DYNLRB1: variants seen among roughly 807,000 people sequenced by gnomAD.
DYNLRB1 encodes the protein dynein light chain roadblock-type 1, also known as ROBL/LC7-like 1.
In DYNLRB1, 6 loss-of-function variants were observed where a neutral mutation model predicts 13.5. The ratio of observed to expected loss-of-function variants is 0.44; its 90% CI spans 0.24 to 0.88. The LOEUF (loss-of-function observed/expected upper bound fraction) is 0.88, where lower values mean the gene tolerates loss of function less well. DYNLRB1 is among the 40% of genes least tolerant of loss of function. The probability of loss-of-function intolerance (pLI) is 0.21; values close to 1 mark genes in which losing one functional copy is unlikely to be tolerated. For missense variants in DYNLRB1, 93 were observed against 127.2 expected (o/e 0.73, Z 1.29); for synonymous variants, 43 against 45.0 (o/e 0.96, Z 0.18).
At chr20:34,517,228 T>C (rs961484111) in intron 1 of DYNLRB1, among the ~76,000 whole-genome samples, 2 of 152,226 alleles carry the variant, frequency 1.3e-5, no homozygotes, top group African/African-American at 2.4e-5. Context: ...AAAAATCTTA[T>C]TTAGAAATCT....
chr20:34,520,819 T>A (rs1397773178), intron 1 of DYNLRB1, among the ~76,000 whole-genome samples: 3 of 152,320 alleles, frequency 2.0e-5, no homozygotes, highest in Non-Finnish European at 1.5e-5. Context: ...TTGTTTCATT[T>A]TAACTTACTT....
At chr20:34,528,580 A>G (rs1980445647) in intron 2 of DYNLRB1, among the ~76,000 whole-genome samples, 1 of 152,224 alleles carries the variant, frequency 6.6e-6, no homozygotes, top group Admixed American at 6.5e-5. Context: ...TGATTTGGTA[A>G]TTCTTGAGGA....
chr20:34,528,006 T>C (rs1980364024), intron 2 of DYNLRB1, among the ~76,000 whole-genome samples: 2 of 152,094 alleles, frequency 1.3e-5, no homozygotes, highest in South Asian at 4.1e-4. Flanking sequence ...TTGGCCAATT[T>C]AAAAACTACC....
Position 34,526,338 on chromosome 20 carries a change from C to T in DYNLRB1, c.74C>T (p.Thr25Ile), listed in dbSNP as rs1980207522. 1 of 1,614,052 alleles carries T rather than the reference C, an allele frequency of 6.2e-7. No individual in the cohort carries two copies. Among genetic ancestry groups the T allele is most frequent in the Non-Finnish European group, 8.5e-7 (1 of 1,180,006 alleles). The change falls in exon 2 of 4, where the codon ACA (threonine) becomes ATA (isoleucine). Residue 25 changes from threonine (T) to isoleucine (I), a missense_variant. By Grantham distance (89) the Thr-to-Ile change is moderately conservative. Transcript: ENST00000357156. ...KGVQGIIVVN[T>I]EGIPIKSTMD... ...GTGCAGGGAATCATCGTCGTGAACA[C>T]AGAAGGTACGCCCTCCCTCCCGCCA...
In DYNLRB1 at chr20:34,524,814, C is replaced by T. The variant is rs1029458861; in HGVS notation, c.4-1454C>T. ...TCTCGGCTTACTGCAAGCTCCACCC[C>T]GCGGGTTCACGCCATTCTTCTGCCT... On this transcript the variant is annotated intron_variant, in intron 1 of 3. Coordinates refer to ENST00000357156, the MANE Select transcript of DYNLRB1 (RefSeq NM_014183.4). Among the ~76,000 whole-genome samples, 14 of 152,032 alleles carry T rather than the reference C, an allele frequency of 9.2e-5. No homozygotes were observed. In the East Asian group the frequency reaches 1.9e-3, roughly 21 times the overall value.
intron 2 of DYNLRB1, chr20:34,529,961 C>T: frequency 7.2e-7 from 1 of 1,391,698 alleles, no homozygotes; most frequent in Non-Finnish European, 9.4e-7. Flanking sequence ...CTTCAGCCCT[C>T]AACTGCCTCG....
chr20:34,519,020 G>A (rs1345534933), intron 1 of DYNLRB1, among the ~76,000 whole-genome samples: 11 of 152,168 alleles, frequency 7.2e-5, no homozygotes, highest in Non-Finnish European at 1.2e-4. Context: ...AGCCTCCGGA[G>A]TAGCTGGGAC....
chr20:34,529,256 A>G (rs1980509076), intron 2 of DYNLRB1, among the ~76,000 whole-genome samples: 1 of 152,192 alleles, frequency 6.6e-6, no homozygotes, highest in Non-Finnish European at 1.5e-5. Flanking sequence ...GGGCCCCCCA[A>G]ATTCTCTAGC....
chr20:34,521,590 C>G (rs2146617435), intron 1 of DYNLRB1, among the ~76,000 whole-genome samples: 1 of 152,224 alleles, frequency 6.6e-6, no homozygotes, highest in African/African-American at 2.4e-5. Context: ...GTGGTCATCC[C>G]TCCTATGCTG....
intron 3 of DYNLRB1, chr20:34,535,677 G>C (rs1269579966): frequency 3.0e-6 from 3 of 985,404 alleles, no homozygotes; most frequent in Non-Finnish European, 3.6e-6. Flanking sequence ...GTATGCGCGT[G>C]ATGGTGCACT....
chr20:34,522,469 C>CTTTTTTT lies in DYNLRB1; in HGVS notation c.4-3783_4-3777dup, dbSNP rs771811577. On this transcript the variant is annotated intron_variant, in intron 1 of 3. Transcript: ENST00000357156. Reference sequence around the variant, plus strand: ...TTTTCTTTCTTTCTTTTTTCTTTTTCTTTTTTTTTTTTTTTTTTTTTTGAT... The same window carrying CTTTTTTT: ...TTTTCTTTCTTTCTTTTTTCTTTTTCTTTTTTTTTTTTTTTTTTTTTTTTTTTTTGAT... Among the ~76,000 whole-genome samples the CTTTTTTT allele has an allele frequency of 4.0e-3, 309 of 77,196 alleles. 4 individuals carry two copies. Among genetic ancestry groups the CTTTTTTT allele is most frequent in the African/African-American group, 6.0e-3 (110 of 18,434 alleles). The allele number at this position is 77,196 out of a possible 152,430, so 50.6% of individuals were successfully genotyped here.
rs8123415 is a variant in DYNLRB1 at position 34,534,125 on chromosome 20, G to A, written c.80-503G>A. On this transcript the variant is annotated intron_variant, in intron 2 of 3. Coordinates refer to ENST00000357156, the MANE Select transcript of DYNLRB1 (RefSeq NM_014183.4). ...AGCCTGGGCAACAGAGCAAGACTCCGTCTCAAAAAAAAGAAATTTGTAAAA... is the reference window on the plus strand; with the variant it reads ...AGCCTGGGCAACAGAGCAAGACTCCATCTCAAAAAAAAGAAATTTGTAAAA... 3.5e-3 allele frequency among the ~76,000 whole-genome samples: 532 copies of A among 152,228 alleles called. 2 individuals carry two copies. Among genetic ancestry groups the A allele is most frequent in the African/African-American group, 0.012 (507 of 41,548 alleles).
chr20:34,520,525 C>T (rs1600538944), intron 1 of DYNLRB1, among the ~76,000 whole-genome samples: 2 of 152,212 alleles, frequency 1.3e-5, no homozygotes, highest in East Asian at 3.8e-4. Flanking sequence ...CAGCTCACTG[C>T]AACCTCTGCC....
intron 2 of DYNLRB1, chr20:34,530,233 T>C: frequency 1.8e-6 from 2 of 1,081,430 alleles, no homozygotes; most frequent in Non-Finnish European, 2.2e-6. Flanking sequence ...TTTTGGATAC[T>C]AGTGAGTGCT....
chr20:34,534,982 G>A (rs1253898598), intron 3 of DYNLRB1, 187 bp downstream of exon 3: 3 of 1,444,676 alleles, frequency 2.1e-6, no homozygotes, highest in African/African-American at 2.9e-5. Flanking sequence ...ATCCTCCCAG[G>A]GACCGGCCCC....
intron 1 of DYNLRB1, among the ~76,000 whole-genome samples, chr20:34,517,411 C>A (rs977963432): frequency 6.6e-6 from 1 of 152,076 alleles, no homozygotes; most frequent in African/African-American, 2.4e-5. Flanking sequence ...ACCACAATAT[C>A]TCCACATCAT....
At chr20:34,523,616 A>T (rs1979937854) in intron 1 of DYNLRB1, among the ~76,000 whole-genome samples, 5 of 151,842 alleles carry the variant, frequency 3.3e-5, no homozygotes. Context: ...TCAGATGTCT[A>T]CTCACTATTG....
intron 2 of DYNLRB1, chr20:34,529,707 C>T (rs539179802): frequency 1.2e-4 from 93 of 751,172 alleles, no homozygotes; most frequent in African/African-American, 7.8e-4. Context: ...CCAGCCTGGA[C>T]GACAAGAATG....
chr20:34,526,622 A>C (rs1980245787), intron 2 of DYNLRB1: 1 of 428,110 alleles, frequency 2.3e-6, no homozygotes, highest in South Asian at 2.9e-5. Flanking sequence ...CAGTGTCCTC[A>C]CAAAGGGAAA....
Sources: gnomAD v4.1 joint callset for allele counts (sites outside exome capture counted in the v4.1 genomes callset) on GRCh38, gnomAD v4.1.1 for gene constraint, MANE v1.5 for transcripts, NCBI Gene and HGNC (gene_info 2026-07-23, HGNC 2026-07-21) for gene names.